Variants in PRR5L observed in about 807,000 individuals in gnomAD.
PRR5L encodes proline rich 5 like.
A neutral mutation model predicts 36.4 loss-of-function variants in PRR5L; 21 were observed. The ratio of observed to expected loss-of-function variants is 0.58; its 90% CI spans 0.41 to 0.83. PRR5L has a LOEUF of 0.83. Ranked by LOEUF, PRR5L falls within the 40% of genes least tolerant of loss-of-function variation. The probability of loss-of-function intolerance (pLI) is 0.00; values close to 1 mark genes in which losing one functional copy is unlikely to be tolerated. For missense variants in PRR5L, 381 were observed against 473.3 expected (o/e 0.80, Z 1.81); for synonymous variants, 188 against 197.0 (o/e 0.95, Z 0.38).
intron 1 of PRR5L, among the ~76,000 whole-genome samples, chr11:36,364,985 G>T (rs1315743521): frequency 2.6e-5 from 4 of 152,190 alleles, no homozygotes; most frequent in African/African-American, 7.2e-5. Flanking sequence ...CCAATAGACA[G>T]TTCAGTGATC....
chr11:36,313,871 A>G (rs548958107), intron 1 of PRR5L, among the ~76,000 whole-genome samples: 43 of 152,324 alleles, frequency 2.8e-4, no homozygotes, highest in African/African-American at 1.0e-3. Context: ...ACTACACTCT[A>G]GGCAGCATGC....
At chr11:36,371,623 A>G (rs892370272) in intron 1 of PRR5L, among the ~76,000 whole-genome samples, 1 of 152,186 alleles carries the variant, frequency 6.6e-6, no homozygotes, top group Admixed American at 6.5e-5. Context: ...ATGGGAGGAT[A>G]TATGTTTTTC....
chr11:36,303,747 G>T (rs992400607), intron 1 of PRR5L, among the ~76,000 whole-genome samples: 2 of 152,172 alleles, frequency 1.3e-5, no homozygotes, highest in Non-Finnish European at 2.9e-5. Flanking sequence ...TCTTCAGAGG[G>T]CTTAACTGGA....
At chr11:36,439,000 T>C (rs144177333) in intron 6 of PRR5L, among the ~76,000 whole-genome samples, 2 of 152,288 alleles carry the variant, frequency 1.3e-5, no homozygotes, top group East Asian at 3.9e-4. Flanking sequence ...AATAATGCAA[T>C]ATTTGGGACA....
chr11:36,387,275 T>A (rs1459461296), intron 1 of PRR5L, among the ~76,000 whole-genome samples: 1 of 151,866 alleles, frequency 6.6e-6, no homozygotes. Context: ...TCGTGGAGTG[T>A]GGGGAGGAGG....
chr11:36,449,672 T>A (rs1858904253), intron 7 of PRR5L, among the ~76,000 whole-genome samples: 1 of 152,170 alleles, frequency 6.6e-6, no homozygotes, highest in Non-Finnish European at 1.5e-5. Flanking sequence ...TTTTCTCCCA[T>A]CAGCATTTGA....
intron 1 of PRR5L, among the ~76,000 whole-genome samples, chr11:36,359,750 A>G (rs938512814): frequency 3.9e-5 from 6 of 152,200 alleles, no homozygotes; most frequent in Non-Finnish European, 8.8e-5. Context: ...TGTTTTAAAT[A>G]CTTCAGAAGC....
At chr11:36,431,687 G>A (rs1346238592) in intron 4 of PRR5L, among the ~76,000 whole-genome samples, 166 bp from the exon 5 acceptor site, 1 of 152,062 alleles carries the variant, frequency 6.6e-6, no homozygotes, top group Non-Finnish European at 1.5e-5. Context: ...GTCTTCTCCG[G>A]AAGCCTTAAC....
chr11:36,443,481 AT>A (rs1858764530), intron 6 of PRR5L, among the ~76,000 whole-genome samples: 1 of 152,208 alleles, frequency 6.6e-6, no homozygotes, highest in South Asian at 2.1e-4. Flanking sequence ...TCTGCCACTT[AT>A]CATCTTGATA....
intron 4 of PRR5L, among the ~76,000 whole-genome samples, chr11:36,427,728 G>A (rs1858410522): frequency 6.6e-6 from 1 of 152,194 alleles, no homozygotes; most frequent in Admixed American, 6.5e-5. Flanking sequence ...ATAATTTGCA[G>A]AGCCCAGTGC....
At chr11:36,436,180 G>A (rs573859384) in intron 5 of PRR5L, among the ~76,000 whole-genome samples, 7 of 152,286 alleles carry the variant, frequency 4.6e-5, no homozygotes, top group Middle Eastern at 3.4e-3. Context: ...ATTAATAGAC[G>A]GGAGGCGCCA....
At chr11:36,418,951 G>A (rs1858206611) in intron 3 of PRR5L, among the ~76,000 whole-genome samples, 1 of 152,036 alleles carries the variant, frequency 6.6e-6, no homozygotes, top group Non-Finnish European at 1.5e-5. Flanking sequence ...CCTTCTTTTT[G>A]CTTCATATAA....
chr11:36,450,647 C>G (rs1369515213), intron 7 of PRR5L, among the ~76,000 whole-genome samples: 1 of 152,208 alleles, frequency 6.6e-6, no homozygotes, highest in Non-Finnish European at 1.5e-5. Context: ...TCTTTCCTCT[C>G]TTCTTTTCTA....
chr11:36,377,475 G>T lies in PRR5L; in HGVS notation c.-125-23522G>T, dbSNP rs1053647939. On this transcript the variant is annotated intron_variant, in intron 1 of 8. Coordinates refer to ENST00000530639, the MANE Select transcript of PRR5L (RefSeq NM_001160167.2). This position sits in a 1 kb window ranked among gnomAD's most constrained non-coding sequence, Gnocchi z 5.1. ...CGCTGCACGCAGGGGGCGCTCTAGGGGCCCCGCCCGGGCAGCTGGGACCCT... is the reference window on the plus strand; with the variant it reads ...CGCTGCACGCAGGGGGCGCTCTAGGTGCCCCGCCCGGGCAGCTGGGACCCT... 5 of 152,286 alleles carry T rather than the reference G, an allele frequency of 3.3e-5. No homozygotes were observed. The highest frequency in any genetic ancestry group is 5.9e-5 in the Non-Finnish European group (4 of 68,088). The allele number at this position is 152,286 out of a possible 1,614,324, so 9.4% of individuals were successfully genotyped here.
In PRR5L at chr11:36,462,391, C is replaced by T; in HGVS notation, c.762C>T (p.Ala254=). The T allele has an allele frequency of 6.4e-7, 1 of 1,556,412 alleles. No individual in the cohort carries two copies. Among genetic ancestry groups the T allele is most frequent in the African/African-American group, 1.4e-5 (1 of 73,820 alleles). Residue 254 remains alanine, a synonymous_variant, in exon 9 of 9, where the codon GCC becomes GCT. Coordinates refer to ENST00000530639, the MANE Select transcript of PRR5L (RefSeq NM_001160167.2). Reference sequence around the variant, plus strand: ...CCAAGGTGACTGTCCTGAACTATGCCTCCCCGATAACCGCAGTCAGCCGGC... The same window carrying T: ...CCAAGGTGACTGTCCTGAACTATGCTTCCCCGATAACCGCAGTCAGCCGGC... ...VRPKVTVLNY[A]SPITAVSRPL... is the part of the protein sequence containing the mutation.
chr11:36,336,457 T>C (rs1856769732), intron 1 of PRR5L, among the ~76,000 whole-genome samples: 1 of 151,630 alleles, frequency 6.6e-6, no homozygotes, highest in African/African-American at 2.4e-5. Flanking sequence ...CTTGAGCTCC[T>C]GGGTTCAAGT....
intron 1 of PRR5L, among the ~76,000 whole-genome samples, chr11:36,298,567 A>G (rs1856339192): frequency 6.6e-6 from 1 of 152,278 alleles, no homozygotes; most frequent in Non-Finnish European, 1.5e-5. Context: ...CTGATCTGAC[A>G]GGAGGTGGAG....
At chr11:36,413,256 G>C (rs1858065673) in intron 3 of PRR5L, among the ~76,000 whole-genome samples, 1 of 152,196 alleles carries the variant, frequency 6.6e-6, no homozygotes, top group Non-Finnish European at 1.5e-5. Context: ...ATAGTCCTGA[G>C]AACAAGGGTT....
At chr11:36,366,173 G>A (rs1857141990) in intron 1 of PRR5L, among the ~76,000 whole-genome samples, 1 of 152,128 alleles carries the variant, frequency 6.6e-6, no homozygotes, top group African/African-American at 2.4e-5. Context: ...GTCAAGCTGT[G>A]GGACCTTGGG....
Sources: allele counts gnomAD v4.1 joint callset (sites outside exome capture counted in the v4.1 genomes callset), GRCh38; gene constraint gnomAD v4.1.1; non-coding constraint Gnocchi (gnomAD v3.1); transcripts MANE v1.5; gene names NCBI Gene and HGNC (gene_info 2026-07-23, HGNC 2026-07-21).